The following HCFC1 variants were observed in gnomAD, a reference collection of about 807,000 sequenced individuals.
HCFC1 encodes host cell factor C1, also known as host cell factor 1.
In HCFC1, 7 loss-of-function variants were observed where a neutral mutation model predicts 105.5. That is an observed-to-expected ratio of 0.07 (90% CI 0.04 to 0.12). The LOEUF is 0.12. Among genes scored for constraint, HCFC1 ranks in the 10% least tolerant of loss-of-function variants. HCFC1 has a pLI of 1.00. For missense variants in HCFC1, 1,065 were observed against 1,823.6 expected (o/e 0.58, Z 7.58); for synonymous variants, 918 against 828.1 (o/e 1.11, Z -1.86).
At chrX:153,951,205 A>AG in intron 22 of HCFC1, 145 bp downstream of exon 22, 1 of 714,789 alleles carries the variant, frequency 1.4e-6, no homozygotes, top group Non-Finnish European at 2.1e-6. Context: ...CTACTGCTTC[A>AG]GGGGGGATGG....
chrX:153,955,101 C>T lies in HCFC1; in HGVS notation c.3298G>A (p.Gly1100Arg), dbSNP rs782056051. ...GGTGGGTTTGAGCAGCCATGCTGCCCGGCCATGTTGGAGGTGGCGGTGGTG... is the reference window on the plus strand; with the variant it reads ...GGTGGGTTTGAGCAGCCATGCTGCCTGGCCATGTTGGAGGTGGCGGTGGTG... Reference protein sequence around the residue: ...TATTATSNMAGQHGCSNPPCE... With the variant: ...TATTATSNMARQHGCSNPPCE... Residue 1100 changes from glycine (G) to arginine (R), a missense_variant, in exon 17 of 26, where the codon GGG becomes AGG. Gly to Arg is a moderately radical substitution (Grantham distance 125). Coordinates refer to ENST00000310441, the MANE Select transcript of HCFC1 (RefSeq NM_005334.3). 3.1e-5 allele frequency: 38 copies of T among 1,207,530 alleles called. No homozygotes were observed. Among genetic ancestry groups the T allele is most frequent in the African/African-American group, 7.1e-5 (4 of 56,668 alleles).
At chrX:153,952,246 G>A in intron 19 of HCFC1, 88 bp from the exon 20 acceptor site, 1 of 1,076,027 alleles carries the variant, frequency 9.3e-7, no homozygotes, top group Non-Finnish European at 1.2e-6. Flanking sequence ...GCCTGTCCTA[G>A]AGACCCCGTC....
intron 2 of HCFC1, 145 bp downstream of exon 2, chrX:153,964,433 C>G: frequency 1.1e-6 from 1 of 882,207 alleles, no homozygotes; most frequent in Non-Finnish European, 1.6e-6. Flanking sequence ...TCCTTGCTGC[C>G]TTCTTCTGAG....
In HCFC1 at chrX:153,954,846, C is replaced by T. The variant is rs940021050; in HGVS notation, c.3553G>A (p.Ala1185Thr). The T allele has an allele frequency of 3.5e-6, 4 of 1,148,157 alleles. No individual in the cohort carries two copies. The highest frequency in any genetic ancestry group is 4.6e-6 in the Non-Finnish European group (4 of 869,854). The allele number at this position is 1,148,157 out of a possible 1,213,427, so 94.6% of individuals were successfully genotyped here. A position where few individuals can be genotyped will look rare whatever the true frequency, so the allele number is the denominator to read the frequency against. Residue 1185 changes from alanine (A) to threonine (T), a missense_variant, in exon 17 of 26, where the codon GCC becomes ACC. Physicochemically the swap from Ala to Thr is moderately conservative, Grantham distance 58 (BLOSUM62 0). This residue lies in a region of HCFC1 where 546 missense variants were observed against 599.9 expected (regional missense o/e 0.91). Coordinates refer to ENST00000310441, the MANE Select transcript of HCFC1 (RefSeq NM_005334.3). ...STTMTVMATG[A>T]PCSAGPLLGP... is the part of the protein sequence containing the mutation. ...AGGAGTGGGCCGGCCGAGCACGGGG[C>T]CCCGGTGGCCATCACAGTCATGGTG...
At chrX:153,957,956 C>G (rs1404055039) in intron 11 of HCFC1, 69 bp downstream of exon 11, 1 of 1,155,733 alleles carries the variant, frequency 8.7e-7, no homozygotes, top group East Asian at 3.0e-5. Flanking sequence ...CTGAGACTCT[C>G]CTGGAGCTGG....
At position 153,953,634 on chromosome X, in the gene HCFC1, G is replaced by A. The variant is rs782029023; in HGVS notation, c.4470C>T (p.Ser1490=). 11 of 1,209,214 alleles carry A rather than the reference G, an allele frequency of 9.1e-6. No individual in the cohort carries two copies. The African/African-American group carries it at 1.6e-4, about 17-fold the overall frequency. ...GCACAGAGGGGCCCGGGACCGGTGTGGACTGCGTCACGGTGGTCACAGCCC... is the reference window on the plus strand; with the variant it reads ...GCACAGAGGGGCCCGGGACCGGTGTAGACTGCGTCACGGTGGTCACAGCCC... ...LTRAVTTVTQ[S]TPVPGPSVPP... is the part of the protein sequence containing the mutation. Residue 1490 remains serine, a synonymous_variant, in exon 18 of 26, where the codon TCC becomes TCT. Transcript: ENST00000310441.
intron 1 of HCFC1, chrX:153,969,414 C>G (rs1463776557): frequency 9.0e-6 from 1 of 111,709 alleles, no homozygotes; most frequent in Non-Finnish European, 1.9e-5. Context: ...ACTAGGGCAT[C>G]CCAAGGCCCT....
At chrX:153,961,720 C>G in intron 5 of HCFC1, 72 bp from the exon 6 acceptor site, 1 of 766,690 alleles carries the variant, frequency 1.3e-6, no homozygotes, top group South Asian at 2.3e-5. Flanking sequence ...CTCTGCTACC[C>G]CAGTTCTAGA....
chrX:153,958,432 C>T, intron 10 of HCFC1, 137 bp downstream of exon 10: 1 of 687,995 alleles, frequency 1.5e-6, no homozygotes, highest in South Asian at 2.6e-5. Flanking sequence ...GCTGAGCCTG[C>T]AGCTCTCACC....
At position 153,949,008 on chromosome X, in the gene HCFC1, A is replaced by T. The variant is rs2065282836; in HGVS notation, c.*339T>A. 1 of 145,266 alleles carries T rather than the reference A, an allele frequency of 6.9e-6. No individual in the cohort carries two copies. Among genetic ancestry groups the T allele is most frequent in the African/African-American group, 3.2e-5 (1 of 31,716 alleles). 12.0% of individuals were successfully genotyped at this position (145,266 alleles called of 1,213,427 possible). A position where few individuals can be genotyped will look rare whatever the true frequency, so the allele number is the denominator to read the frequency against. Reference sequence around the variant, plus strand: ...CATGCCTGCCCCCGACCTGGCCCTCAGGAACGCACAGCCTTGGGAGGGCGG... The same window carrying T: ...CATGCCTGCCCCCGACCTGGCCCTCTGGAACGCACAGCCTTGGGAGGGCGG... On this transcript the variant is annotated 3_prime_UTR_variant, in exon 26 of 26. Transcript: ENST00000310441.
intron 25 of HCFC1, 83 bp downstream of exon 25, chrX:153,949,470 C>A: frequency 2.6e-6 from 3 of 1,142,759 alleles, no homozygotes; most frequent in South Asian, 3.7e-5. Flanking sequence ...CGGTTAGGGG[C>A]CCCCAGTCAT....
chrX:153,959,489 C>T lies in HCFC1; in HGVS notation c.1447G>A (p.Val483Ile). 5.0e-6 allele frequency: 6 copies of T among 1,211,316 alleles called. No individual in the cohort carries two copies. Among genetic ancestry groups the T allele is most frequent in the Non-Finnish European group, 6.7e-6 (6 of 895,198 alleles). ...CCGGTCACTTTGAGAACAGCAGGGACACCTGATGAGAGAAGGGGCCAGCCG... is the reference window on the plus strand; with the variant it reads ...CCGGTCACTTTGAGAACAGCAGGGATACCTGATGAGAGAAGGGGCCAGCCG... The part of the protein sequence containing the change: ...SVPTAARTQG[V>I]PAVLKVTGPQ... Residue 483 changes from valine to isoleucine, a missense_variant and splice_region_variant, in exon 9 of 26, where the codon GTC becomes ATC. By Grantham distance (29) the Val-to-Ile change is conservative. Around this residue, in one of 17 missense-constraint regions of HCFC1, gnomAD observed 101 missense variants for 155.1 expected, o/e 0.65. Transcript: ENST00000310441.
At chrX:153,963,164 GC>G in intron 4 of HCFC1, 60 bp downstream of exon 4, 1 of 929,257 alleles carries the variant, frequency 1.1e-6, no homozygotes. Flanking sequence ...CACCCACGGG[GC>G]CAGCCAAGAG....
chrX:153,967,645 C>T (rs1360667519), intron 1 of HCFC1, among the ~76,000 whole-genome samples: 3 of 112,159 alleles, frequency 2.7e-5, no homozygotes, highest in Admixed American at 1.9e-4. Context: ...TAGAAGAGCT[C>T]TGACCAAGCC....
intron 1 of HCFC1, among the ~76,000 whole-genome samples, chrX:153,967,999 G>A (rs1557118818): frequency 1.8e-5 from 2 of 111,643 alleles, no homozygotes; most frequent in Non-Finnish European, 3.8e-5. Flanking sequence ...TCCGCCACCA[G>A]CTGGGAGGGC....
rs375334239 is a variant in HCFC1, at chrX:153,959,201, C to T, written c.1605+130G>A. On this transcript the variant is annotated intron_variant, in intron 9 of 25. Coordinates refer to ENST00000310441, the MANE Select transcript of HCFC1 (RefSeq NM_005334.3). The stretch of plus-strand genomic sequence containing the variant: ...TCGCAGGAGCGTTTCCCCATCTGCA[C>T]GTCCCAGGAGGGAAAGGTGTGGGGT... The T allele has an allele frequency of 3.8e-4, 264 of 697,563 alleles. 2 individuals are homozygous for T. The South Asian group carries it at 7.1e-3, about 19-fold the overall frequency. 57.5% of individuals were successfully genotyped at this position (697,563 alleles called of 1,213,427 possible).
chrX:153,956,855 C>A, intron 14 of HCFC1, 63 bp downstream of exon 14: 1 of 1,203,349 alleles, frequency 8.3e-7, no homozygotes. Flanking sequence ...GGAGGACCTG[C>A]GTGGCGTGCT....
At chrX:153,956,457 C>T in intron 15 of HCFC1, 46 bp from the exon 16 acceptor site, 1 of 1,152,599 alleles carries the variant, frequency 8.7e-7, no homozygotes, top group Non-Finnish European at 1.2e-6. Context: ...CTGCTGTCTC[C>T]TTCCCAGCAG....
In HCFC1 at chrX:153,957,548, C is replaced by A; in HGVS notation, c.2134-15G>T. 1 of 1,139,434 alleles carries A rather than the reference C, an allele frequency of 8.8e-7. No individual in the cohort carries two copies. The allele number at this position is 1,139,434 out of a possible 1,213,427, so 93.9% of individuals were successfully genotyped here. A position where few individuals can be genotyped will look rare whatever the true frequency, so the allele number is the denominator to read the frequency against. ...GGCCCTTTGGTCTGAAAGGGGGAAG[C>A]AGGTGCATGAGCCGGCATCACTGCC... On this transcript the variant is annotated splice_polypyrimidine_tract_variant and intron_variant, in intron 12 of 25. Transcript: ENST00000310441.
Sources: allele counts gnomAD v4.1 joint callset (sites outside exome capture counted in the v4.1 genomes callset), GRCh38; gene constraint gnomAD v4.1.1; regional missense constraint gnomAD v4.1.1; transcripts MANE v1.5; gene names NCBI Gene and HGNC (gene_info 2026-07-23, HGNC 2026-07-21).